Variants in CENPW observed in about 807,000 individuals in gnomAD.
CENPW encodes cancer-up-regulated gene 2 protein.
CENPW carries 3 observed loss-of-function variants against 11.1 expected under a neutral mutation model. The ratio of observed to expected loss-of-function variants is 0.27; its 90% CI spans 0.12 to 0.70. The LOEUF is 0.70. Ranked by LOEUF, CENPW falls within the 30% of genes least tolerant of loss-of-function variation. The pLI, the probability that CENPW is intolerant of heterozygous loss-of-function variation, is 0.77. For synonymous variants in CENPW, 38 were observed against 42.0 expected (o/e 0.91, Z 0.37); for missense variants, 100 against 105.6 (o/e 0.95, Z 0.23).
At chr6:126,456,638 C>T in the CENPW span, among the ~76,000 whole-genome samples, 1 of 151,336 alleles carries the variant, frequency 6.6e-6, no homozygotes, top group Non-Finnish European at 1.5e-5. Flanking sequence ...TGGACATAGA[C>T]CCTGACAAAG....
chr6:126,443,490 T>C, the CENPW span, among the ~76,000 whole-genome samples: 1 of 151,344 alleles, frequency 6.6e-6, no homozygotes, highest in Non-Finnish European at 1.5e-5. Flanking sequence ...TGTGTACTTT[T>C]ATCAGGAGGC....
the CENPW span, among the ~76,000 whole-genome samples, chr6:126,395,819 A>T: frequency 6.6e-6 from 1 of 152,142 alleles, no homozygotes; most frequent in African/African-American, 2.4e-5. Flanking sequence ...CTTGGATAAG[A>T]TCTGGAAGAA....
the CENPW span, among the ~76,000 whole-genome samples, chr6:126,460,094 T>C: frequency 2.0e-5 from 3 of 151,534 alleles, no homozygotes; most frequent in Non-Finnish European, 4.4e-5. Context: ...CAATTCTCAG[T>C]TTAAAGCTTA....
chr6:126,443,895 T>G, the CENPW span, among the ~76,000 whole-genome samples: 2 of 151,190 alleles, frequency 1.3e-5, no homozygotes, highest in African/African-American at 4.8e-5. Flanking sequence ...TTCTTGTGTG[T>G]TCACAAAAAG....
At chr6:126,482,632 A>C in the CENPW span, among the ~76,000 whole-genome samples, 1 of 151,942 alleles carries the variant, frequency 6.6e-6, no homozygotes, top group East Asian at 1.9e-4. Context: ...ATTGAATTGC[A>C]ATAGTGTTTT....
chr6:126,357,024 T>C, the CENPW span, among the ~76,000 whole-genome samples: 1 of 152,194 alleles, frequency 6.6e-6, no homozygotes, highest in Non-Finnish European at 1.5e-5. Flanking sequence ...CCAAGGCCAA[T>C]GTTGAGAAGG....
the CENPW span, among the ~76,000 whole-genome samples, chr6:126,390,189 G>C: frequency 1.3e-5 from 2 of 151,674 alleles, no homozygotes. Flanking sequence ...ACTGCAACCC[G>C]CCTAAAACCA....
chr6:126,351,313 C>T (rs1237345299), downstream of CENPW, among the ~76,000 whole-genome samples: 1 of 151,872 alleles, frequency 6.6e-6, no homozygotes, highest in African/African-American at 2.4e-5. Context: ...TTTTGGGAGG[C>T]TTTCTTGTAG....
intron 1 of CENPW, among the ~76,000 whole-genome samples, chr6:126,341,530 A>G (rs1353518340): frequency 1.3e-5 from 2 of 151,840 alleles, no homozygotes; most frequent in Non-Finnish European, 2.9e-5. Context: ...ACAAAAACAC[A>G]TTTTCCCCCA....
the CENPW span, among the ~76,000 whole-genome samples, chr6:126,400,361 C>T: frequency 1.4e-4 from 21 of 151,918 alleles, no homozygotes; most frequent in Admixed American, 7.2e-4. Context: ...TCTTCTTTTG[C>T]GAGTTCTCTA....
At chr6:126,467,639 T>C in the CENPW span, among the ~76,000 whole-genome samples, 1 of 152,022 alleles carries the variant, frequency 6.6e-6, no homozygotes, top group African/African-American at 2.4e-5. Context: ...ATTGAATAAA[T>C]AAATAAATAA....
At chr6:126,467,754 C>T in the CENPW span, among the ~76,000 whole-genome samples, 2 of 152,144 alleles carry the variant, frequency 1.3e-5, no homozygotes, top group African/African-American at 4.8e-5. Flanking sequence ...GGGTTGCACA[C>T]AGTGACTGTC....
the CENPW span, among the ~76,000 whole-genome samples, chr6:126,411,921 C>A: frequency 1.5e-5 from 2 of 136,736 alleles, no homozygotes; most frequent in African/African-American, 5.5e-5. Flanking sequence ...CCTCCCCCTC[C>A]CTCCTTTCTT....
At chr6:126,448,234 C>G in the CENPW span, among the ~76,000 whole-genome samples, 1 of 150,878 alleles carries the variant, frequency 6.6e-6, no homozygotes, top group Non-Finnish European at 1.5e-5. Flanking sequence ...GCGGTGCAGC[C>G]CAGCCATCTA....
chr6:126,469,048 TC>T, the CENPW span, among the ~76,000 whole-genome samples: 1 of 152,000 alleles, frequency 6.6e-6, no homozygotes, highest in Non-Finnish European at 1.5e-5. Flanking sequence ...CCCACCTCGG[TC>T]CCCCAAAGTG....
the CENPW span, among the ~76,000 whole-genome samples, chr6:126,459,367 AATG>A: frequency 5.1e-4 from 78 of 151,718 alleles, no homozygotes; most frequent in African/African-American, 1.7e-3. Flanking sequence ...TAAACTCCAG[AATG>A]ATGAGAAGTA....
At chr6:126,466,937 C>A in the CENPW span, among the ~76,000 whole-genome samples, 2 of 151,944 alleles carry the variant, frequency 1.3e-5, no homozygotes, top group Admixed American at 1.3e-4. Flanking sequence ...AAACAGCTAA[C>A]CAGAGAGGTG....
At chr6:126,435,903 A>G in the CENPW span, among the ~76,000 whole-genome samples, 1 of 151,848 alleles carries the variant, frequency 6.6e-6, no homozygotes, top group Non-Finnish European at 1.5e-5. Context: ...AATTTTGGAG[A>G]AATAAATACT....
the CENPW span, among the ~76,000 whole-genome samples, chr6:126,419,693 C>A: frequency 6.6e-6 from 1 of 152,132 alleles, no homozygotes; most frequent in African/African-American, 2.4e-5. Context: ...CTGGGCTGTG[C>A]TTCCTCTGCA....
Sources: gnomAD v4.1 joint callset for allele counts (sites outside exome capture counted in the v4.1 genomes callset) on GRCh38, gnomAD v4.1.1 for gene constraint, MANE v1.5 for transcripts, NCBI Gene and HGNC (gene_info 2026-07-23, HGNC 2026-07-21) for gene names.